Variants in MRTFA observed in about 807,000 individuals in gnomAD.
MRTFA encodes the protein myocardin related transcription factor A, also known as myocardin-related transcription factor A.
Under a neutral mutation model 83.5 loss-of-function variants are expected in MRTFA, and 20 were observed. The ratio of observed to expected loss-of-function variants is 0.24; its 90% CI spans 0.17 to 0.35. MRTFA has a LOEUF of 0.35. Ranked by LOEUF, MRTFA falls within the 10% of genes least tolerant of loss-of-function variation. MRTFA has a pLI of 1.00. For synonymous variants in MRTFA, 659 were observed against 541.2 expected (o/e 1.22, Z -3.02); for missense variants, 1,200 against 1,224.7 (o/e 0.98, Z 0.30).
At chr22:40,431,776 ATGTCCAGCAAAAAACATT>A (rs1365722760) in intron 5 of MRTFA, among the ~76,000 whole-genome samples, 1 of 150,538 alleles carries the variant, frequency 6.6e-6, no homozygotes, top group Non-Finnish European at 1.5e-5. Context: ...AAAGTAATAT[ATGTCCAGCAAAAAACATT>A]TAGAAAACTA....
At chr22:40,460,763 A>G (rs1294642317) in intron 4 of MRTFA, among the ~76,000 whole-genome samples, 3 of 152,190 alleles carry the variant, frequency 2.0e-5, no homozygotes, top group African/African-American at 7.2e-5. Flanking sequence ...GCCACCTAAC[A>G]CTTTAAGAAC....
At chr22:40,413,164 A>AAAAAAG in intron 14 of MRTFA, among the ~76,000 whole-genome samples, 2 of 140,654 alleles carry the variant, frequency 1.4e-5, no homozygotes, top group Non-Finnish European at 3.1e-5. Context: ...AAAAAAAAAA[A>AAAAAAG]GGTTATGATG....
chr22:40,436,006 C>T (rs1167183790), intron 4 of MRTFA, among the ~76,000 whole-genome samples: 1 of 151,696 alleles, frequency 6.6e-6, no homozygotes. Context: ...AAGGCAATGA[C>T]ACCTGAGTAA....
At chr22:40,496,181 T>G (rs895961857) in intron 3 of MRTFA, among the ~76,000 whole-genome samples, 1 of 152,198 alleles carries the variant, frequency 6.6e-6, no homozygotes, top group African/African-American at 2.4e-5. Flanking sequence ...TTGAGATATT[T>G]AACATCTCTA....
intron 2 of MRTFA, among the ~76,000 whole-genome samples, chr22:40,592,306 G>A (rs2056132923): frequency 6.6e-6 from 1 of 150,456 alleles, no homozygotes; most frequent in Non-Finnish European, 1.5e-5. Flanking sequence ...TAATTAGCCA[G>A]GCGTGGTGGC....
chr22:40,411,894 A>G lies in MRTFA; in HGVS notation c.2592T>C (p.Asp864=), dbSNP rs756518262. The G allele has an allele frequency of 1.4e-6, 2 of 1,479,230 alleles. No individual in the cohort carries two copies. Among genetic ancestry groups the G allele is most frequent in the Non-Finnish European group, 1.8e-6 (2 of 1,113,272 alleles). The allele number at this position is 1,479,230 out of a possible 1,614,324, so 91.6% of individuals were successfully genotyped here. A position where few individuals can be genotyped will look rare whatever the true frequency, so the allele number is the denominator to read the frequency against. Residue 864 remains aspartate, a synonymous_variant, in exon 15 of 15, where the codon GAT becomes GAC. Coordinates refer to ENST00000355630, the MANE Select transcript of MRTFA (RefSeq NM_020831.6). Reference sequence around the variant, plus strand: ...CTGGCAGGGATGGCGGCTCCTTGAAATCTGCTGAAATTTCTGCCAATCAAT... The same window carrying G: ...CTGGCAGGGATGGCGGCTCCTTGAAGTCTGCTGAAATTTCTGCCAATCAAT...
chr22:40,456,352 C>G (rs2053586619), intron 4 of MRTFA, among the ~76,000 whole-genome samples: 1 of 151,962 alleles, frequency 6.6e-6, no homozygotes, highest in Non-Finnish European at 1.5e-5. Flanking sequence ...TTCAGGGGAG[C>G]CTCTCTGCAC....
intron 3 of MRTFA, among the ~76,000 whole-genome samples, chr22:40,536,801 G>A (rs1302151539): frequency 4.7e-5 from 1 of 21,076 alleles, no homozygotes; most frequent in African/African-American, 2.3e-4. Flanking sequence ...CCGAGACCCC[G>A]TCTGGGAGGT....
intron 3 of MRTFA, among the ~76,000 whole-genome samples, chr22:40,496,393 A>C (rs913147079): frequency 6.9e-6 from 1 of 145,920 alleles, no homozygotes; most frequent in Non-Finnish European, 1.5e-5. Context: ...CACAGTCACC[A>C]ATCTGGGTGG....
chr22:40,460,506 C>T (rs1443306257), intron 4 of MRTFA, among the ~76,000 whole-genome samples: 1 of 152,172 alleles, frequency 6.6e-6, no homozygotes, highest in Non-Finnish European at 1.5e-5. Context: ...TTTTGGCAGC[C>T]CAAATTTTGG....
At chr22:40,566,750 T>C (rs1355058572) in intron 2 of MRTFA, among the ~76,000 whole-genome samples, 1 of 152,162 alleles carries the variant, frequency 6.6e-6, no homozygotes, top group East Asian at 1.9e-4. Context: ...GGAGAATCAC[T>C]TGAACCCGCG....
intron 3 of MRTFA, among the ~76,000 whole-genome samples, chr22:40,473,800 T>A (rs971389385): frequency 2.6e-5 from 4 of 152,228 alleles, no homozygotes; most frequent in African/African-American, 4.8e-5. Context: ...ATTTATCCTA[T>A]ATGCCTGAAA....
intron 2 of MRTFA, among the ~76,000 whole-genome samples, chr22:40,571,860 C>T (rs1274420935): frequency 7.4e-6 from 1 of 135,986 alleles, no homozygotes; most frequent in Non-Finnish European, 1.5e-5. Context: ...GGAGGCGGAG[C>T]TTGCAGTGAG....
intron 1 of MRTFA, among the ~76,000 whole-genome samples, chr22:40,601,271 G>C (rs2056256000): frequency 6.6e-6 from 1 of 152,124 alleles, no homozygotes; most frequent in Non-Finnish European, 1.5e-5. Flanking sequence ...CTGGATCACA[G>C]TGGCACATCT....
intron 1 of MRTFA, among the ~76,000 whole-genome samples, chr22:40,616,837 T>A (rs749135225): frequency 2.6e-5 from 4 of 151,940 alleles, no homozygotes; most frequent in Non-Finnish European, 4.4e-5. Context: ...GTGGCTCACG[T>A]CTGTAATCCC....
At chr22:40,541,812 G>A (rs2055295485) in intron 3 of MRTFA, among the ~76,000 whole-genome samples, 1 of 151,878 alleles carries the variant, frequency 6.6e-6, no homozygotes, top group Non-Finnish European at 1.5e-5. Context: ...GATTACAGGT[G>A]CCTGCCACCA....
intron 4 of MRTFA, among the ~76,000 whole-genome samples, chr22:40,457,471 AAAG>A (rs1388265488): frequency 6.8e-6 from 1 of 147,486 alleles, no homozygotes; most frequent in Non-Finnish European, 1.5e-5. Flanking sequence ...AGAAAGAAAG[AAAG>A]AAAGAAAGAA....
At chr22:40,468,540 G>A (rs577502399) in intron 3 of MRTFA, among the ~76,000 whole-genome samples, 3 of 152,282 alleles carry the variant, frequency 2.0e-5, no homozygotes, top group South Asian at 2.1e-4. Flanking sequence ...TTCATTAACT[G>A]AGCTGTAACT....
At chr22:40,624,763 G>C (rs1424902955) in intron 1 of MRTFA, among the ~76,000 whole-genome samples, 1 of 152,176 alleles carries the variant, frequency 6.6e-6, no homozygotes, top group Admixed American at 6.5e-5. Context: ...GAAGCCAACA[G>C]GCTATTAGAC....
Sources: gnomAD v4.1 joint callset for allele counts (sites outside exome capture counted in the v4.1 genomes callset) on GRCh38, gnomAD v4.1.1 for gene constraint, MANE v1.5 for transcripts, NCBI Gene and HGNC (gene_info 2026-07-23, HGNC 2026-07-21) for gene names.